THEM4: variants seen among roughly 807,000 people sequenced by gnomAD.
THEM4 encodes the protein thioesterase superfamily member 4.
A neutral mutation model predicts 25.0 loss-of-function variants in THEM4; 22 were observed. That is an observed-to-expected ratio of 0.88 (90% CI 0.63 to 1.26). The LOEUF is 1.26. Ranked by LOEUF, THEM4 falls within the 50% of genes most tolerant of loss-of-function variation. The probability of loss-of-function intolerance (pLI) is 0.00; values close to 1 mark genes in which losing one functional copy is unlikely to be tolerated. For synonymous variants in THEM4, 113 were observed against 105.6 expected (o/e 1.07, Z -0.43); for missense variants, 286 against 300.3 (o/e 0.95, Z 0.35).
chr1:151,900,052 A>C (rs907294684), intron 1 of THEM4, among the ~76,000 whole-genome samples: 1 of 152,200 alleles, frequency 6.6e-6, no homozygotes, highest in Non-Finnish European at 1.5e-5. Flanking sequence ...TATCCAGTGA[A>C]ACTAAGTATC....
chr1:151,884,020 A>G (rs1653903605), intron 4 of THEM4, among the ~76,000 whole-genome samples: 1 of 151,608 alleles, frequency 6.6e-6, no homozygotes, highest in South Asian at 2.1e-4. Context: ...GGTTGCAGTG[A>G]GCTGAGATTG....
chr1:151,885,596 T>C (rs1653950548), intron 4 of THEM4, among the ~76,000 whole-genome samples: 1 of 152,256 alleles, frequency 6.6e-6, no homozygotes, highest in Non-Finnish European at 1.5e-5. Context: ...GAAGGAGGAA[T>C]GTCCTTTAGC....
chr1:151,878,889 T>C (rs1381815843), intron 4 of THEM4, among the ~76,000 whole-genome samples: 3 of 127,608 alleles, frequency 2.4e-5, no homozygotes, highest in African/African-American at 6.0e-5. Context: ...TGTATATGTC[T>C]ATACACACAC....
intron 1 of THEM4, among the ~76,000 whole-genome samples, chr1:151,895,719 GT>G (rs1158964936): frequency 6.6e-6 from 1 of 151,466 alleles, no homozygotes; most frequent in African/African-American, 2.4e-5. Context: ...GTTTGGATGT[GT>G]GTTCCCGCTC....
At position 151,871,410 on chromosome 1, in the gene THEM4, G is replaced by C. The variant is rs560679054; in HGVS notation, c.*3478C>G. On this transcript the variant is annotated 3_prime_UTR_variant, in exon 6 of 6. Transcript: ENST00000368814. ...AGGAATAGTTCCATTAGGTCACACA[G>C]CAAGCCAGTGATGGAGTGGAGCTGG... Among the ~76,000 whole-genome samples the C allele has an allele frequency of 6.6e-6, 1 of 152,116 alleles. No individual in the cohort carries two copies. Among genetic ancestry groups the C allele is most frequent in the African/African-American group, 2.4e-5 (1 of 41,502 alleles).
intron 1 of THEM4, among the ~76,000 whole-genome samples, chr1:151,896,514 T>C (rs1654229041): frequency 6.6e-6 from 1 of 152,216 alleles, no homozygotes; most frequent in Admixed American, 6.5e-5. Flanking sequence ...AAGTAGGTAC[T>C]ATTTATTATC....
chr1:151,878,891 TAC>T (rs55900104), intron 4 of THEM4, among the ~76,000 whole-genome samples: 105 of 138,624 alleles, frequency 7.6e-4, no homozygotes, highest in Middle Eastern at 3.6e-3. Flanking sequence ...TATATGTCTA[TAC>T]ACACACACAC....
At position 151,872,470 on chromosome 1, in the gene THEM4, C is replaced by T. The variant is rs1653575385; in HGVS notation, c.*2418G>A. ...GGAAGCCCAAATAATCTATTGCCTG[C>T]ACTAGGAAGCAGAATATATTTTCCA... is the stretch of plus-strand genomic sequence containing the variant. On this transcript the variant is annotated 3_prime_UTR_variant, in exon 6 of 6. Coordinates refer to ENST00000368814, the MANE Select transcript of THEM4 (RefSeq NM_053055.5). Among the ~76,000 whole-genome samples, 1 of 152,144 alleles carries T rather than the reference C, an allele frequency of 6.6e-6. No individual in the cohort carries two copies. Among genetic ancestry groups the T allele is most frequent in the South Asian group, 2.1e-4 (1 of 4,824 alleles).
At chr1:151,891,791 A>G (rs4845393) in intron 2 of THEM4, among the ~76,000 whole-genome samples, 139,158 of 152,060 alleles carry the variant, frequency 0.92, 63,679 homozygotes, top group East Asian at 0.95. Context: ...GCCACTGTGT[A>G]GATGCTCGAG....
chr1:151,880,975 CTTGT>C (rs1395840591), intron 4 of THEM4, among the ~76,000 whole-genome samples: 1 of 151,770 alleles, frequency 6.6e-6, no homozygotes, highest in African/African-American at 2.4e-5. Flanking sequence ...AGTTTTACTA[CTTGT>C]TTGATCTTGT....
Position 151,909,438 on chromosome 1 carries a change from C to A in THEM4, c.21G>T (p.Ala7=). 2 of 1,458,372 alleles carry A rather than the reference C, an allele frequency of 1.4e-6. No homozygotes were observed. Among genetic ancestry groups the A allele is most frequent in the African/African-American group, 1.5e-5 (1 of 67,632 alleles). The allele number at this position is 1,458,372 out of a possible 1,614,324, so 90.3% of individuals were successfully genotyped here. A position where few individuals can be genotyped will look rare whatever the true frequency, so the allele number is the denominator to read the frequency against. Residue 7 remains alanine (A), a synonymous_variant, in exon 1 of 6, where the codon GCG becomes GCT. Coordinates refer to ENST00000368814, the MANE Select transcript of THEM4 (RefSeq NM_053055.5). MLRSCA[A]RLRTLGALCL... Reference sequence around the variant, plus strand: ...ACAGAGCCCCCAGCGTGCGGAGGCGCGCGGCGCAGCTCCTCAGCATGGCTC... The same window carrying A: ...ACAGAGCCCCCAGCGTGCGGAGGCGAGCGGCGCAGCTCCTCAGCATGGCTC...
rs1026460632 is a variant in THEM4, at chr1:151,891,991, T to G, written c.287-2618A>C. On this transcript the variant is annotated intron_variant, in intron 2 of 5. Transcript: ENST00000368814. ...TTTTTTTTGAGACAGAATCTTGCTC[T>G]GTCACCCAGGCTTGTCTCAAACTCC... 7.2e-5 allele frequency among the ~76,000 whole-genome samples: 11 copies of G among 152,244 alleles called. 1 individual carries two copies. In the South Asian group the frequency reaches 2.1e-3, roughly 29 times the overall value.
At position 151,872,755 on chromosome 1, in the gene THEM4, G is replaced by A. The variant is rs763228768; in HGVS notation, c.*2133C>T. On this transcript the variant is annotated 3_prime_UTR_variant, in exon 6 of 6. Coordinates refer to ENST00000368814, the MANE Select transcript of THEM4 (RefSeq NM_053055.5). ...GGCAGTATGCTTGGTAAAAGTCATC[G>A]CCATTCTCCATTCTCAATTAACCAG... 5.2e-4 allele frequency among the ~76,000 whole-genome samples: 79 copies of A among 152,068 alleles called. No individual in the cohort carries two copies. The highest frequency in any genetic ancestry group is 9.6e-4 in the Non-Finnish European group (65 of 68,026).
At chr1:151,895,480 C>G (rs1297753240) in intron 1 of THEM4, among the ~76,000 whole-genome samples, 1 of 152,006 alleles carries the variant, frequency 6.6e-6, no homozygotes, top group Non-Finnish European at 1.5e-5. Context: ...TTTAATCAAG[C>G]ACAGGTAAGC....
Position 151,873,344 on chromosome 1 carries a change from G to A in THEM4, c.*1544C>T, listed in dbSNP as rs563960188. 1.3e-5 allele frequency among the ~76,000 whole-genome samples: 2 copies of A among 152,220 alleles called. No individual in the cohort carries two copies. Among genetic ancestry groups the A allele is most frequent in the Admixed American group, 1.3e-4 (2 of 15,298 alleles). ...ATAAATACTGAGAGAGCTGAGACTG[G>A]GGCCGGTGCGGGTCCTCTGTATGCT... On this transcript the variant is annotated 3_prime_UTR_variant, in exon 6 of 6. Transcript: ENST00000368814.
intron 1 of THEM4, among the ~76,000 whole-genome samples, chr1:151,902,856 T>C (rs968991110): frequency 5.3e-5 from 8 of 151,662 alleles, no homozygotes; most frequent in Admixed American, 2.6e-4. Flanking sequence ...TGCGAGATGG[T>C]GTGTGCCTGT....
At chr1:151,899,893 G>A (rs925536967) in intron 1 of THEM4, among the ~76,000 whole-genome samples, 2 of 152,164 alleles carry the variant, frequency 1.3e-5, no homozygotes, top group African/African-American at 4.8e-5. Flanking sequence ...AGAATCTTAA[G>A]AGCTGTGAGA....
intron 4 of THEM4, among the ~76,000 whole-genome samples, chr1:151,880,481 A>G (rs572167644): frequency 2.4e-4 from 37 of 152,234 alleles, no homozygotes; most frequent in Admixed American, 1.1e-3. Flanking sequence ...CTGTCTTGAA[A>G]AAAAAAAATT....
At chr1:151,902,942 T>TG (rs1654382030) in intron 1 of THEM4, among the ~76,000 whole-genome samples, 1 of 152,084 alleles carries the variant, frequency 6.6e-6, no homozygotes, top group Non-Finnish European at 1.5e-5. Flanking sequence ...GAGCCAAGAC[T>TG]GCACCACTGC....
Sources: gnomAD v4.1 joint callset for allele counts (sites outside exome capture counted in the v4.1 genomes callset) on GRCh38, gnomAD v4.1.1 for gene constraint, MANE v1.5 for transcripts, NCBI Gene and HGNC (gene_info 2026-07-23, HGNC 2026-07-21) for gene names.